SUN2: variants seen among roughly 807,000 people sequenced by gnomAD.
SUN2 encodes the protein Sad1 and UNC84 domain containing 2, also known as SUN domain-containing protein 2.
SUN2 carries 60 observed loss-of-function variants against 100.0 expected under a neutral mutation model. That is an observed-to-expected ratio of 0.60 (90% confidence interval 0.49 to 0.74). The LOEUF (loss-of-function observed/expected upper bound fraction) is 0.74. Among genes scored for constraint, SUN2 ranks in the 30% least tolerant of loss-of-function variants. The pLI is 0.00. For synonymous variants in SUN2, 367 were observed against 403.3 expected, an observed-to-expected ratio of 0.91 and a Z score of 1.08; for missense variants, 834 against 954.6, an observed-to-expected ratio of 0.87 and a Z score of 1.66.
chr22:38,739,398 A>G lies in SUN2; in HGVS notation c.1607T>C (p.Leu536Pro). 1 of 1,613,136 alleles carries G rather than the reference A, an allele frequency of 6.2e-7. No individual in the cohort carries two copies. Among genetic ancestry groups the G allele is most frequent in the Non-Finnish European group, 8.5e-7 (1 of 1,180,004 alleles). The change falls in exon 14 of 18, where the codon CTG (leucine) becomes CCG (proline). Residue 536 changes from leucine (L) to proline (P), a missense_variant. Physicochemically the swap from Leu to Pro is moderately conservative, Grantham distance 98. Transcript: ENST00000689035. This position sits in a 1 kb window ranked among gnomAD's most constrained non-coding sequence, Gnocchi z 6.7. ...GATGCGGTCCTCACTGTAGCGCTGC[A>G]GGGCCTGCTTCACGATGTGGTGCAC... ...EQVHHIVKQALQRYSEDRIGL... is the reference protein window; with the variant it reads ...EQVHHIVKQAPQRYSEDRIGL...
chr22:38,738,105 C>T lies in SUN2; in HGVS notation c.2040+68G>A, dbSNP rs113248252. ...AACCCCATGCCTGGCAGGGTAAGTG[C>T]CCAGGGAGCACCTGCTGCCTGGATG... On this transcript the variant is annotated intron_variant, in intron 17 of 17. Coordinates refer to ENST00000689035, the MANE Select transcript of SUN2 (RefSeq NM_015374.3). The surrounding 1 kb of genome is among the most constrained non-coding windows in gnomAD (Gnocchi z 6.6). 151 of 1,406,982 alleles carry T rather than the reference C, an allele frequency of 1.1e-4. No homozygotes were observed. In the African/African-American group the frequency reaches 1.9e-3, roughly 17 times the overall value. 87.2% of individuals were successfully genotyped at this position (1,406,982 alleles called of 1,614,324 possible). A position where few individuals can be genotyped will look rare whatever the true frequency, so the allele number is the denominator to read the frequency against.
Position 38,740,928 on chromosome 22 carries a change from G to T in SUN2, c.1190+79C>A. 1.4e-6 allele frequency: 2 copies of T among 1,432,252 alleles called. No individual in the cohort carries two copies. Among genetic ancestry groups the T allele is most frequent in the South Asian group, 1.2e-5 (1 of 81,884 alleles). The allele number at this position is 1,432,252 out of a possible 1,614,324, so 88.7% of individuals were successfully genotyped here. On this transcript the variant is annotated intron_variant, in intron 11 of 17. Coordinates refer to ENST00000689035, the MANE Select transcript of SUN2 (RefSeq NM_015374.3). The surrounding 1 kb of genome is among the most constrained non-coding windows in gnomAD (Gnocchi z 4.8). The stretch of plus-strand genomic sequence containing the variant: ...GATGATCAGAACTCTCTGCTCTGCG[G>T]CTCTGCTCCCCAGTCCTGCCTGGAG...
In SUN2 at chr22:38,738,733, A is replaced by G; in HGVS notation, c.1801T>C (p.Cys601Arg). The G allele has an allele frequency of 6.2e-7, 1 of 1,613,592 alleles. No individual in the cohort carries two copies. The highest frequency in any genetic ancestry group is 1.3e-5 in the African/African-American group (1 of 75,052). The part of the protein sequence containing the change: ...ILQPDVHPGN[C>R]WAFQGPQGFA... ...CCTTGTGGCCCCTGGAAGGCCCAGC[A>G]GTTGCCTGGGTGCACATCTGGCTGG... Residue 601 changes from cysteine (C) to arginine (R), a missense_variant, in exon 16 of 18, where the codon TGC becomes CGC. Cys to Arg is a radical substitution (Grantham distance 180). This residue lies in a region of SUN2 where 195 missense variants were observed against 280.2 expected (regional missense o/e 0.70). Coordinates refer to ENST00000689035, the MANE Select transcript of SUN2 (RefSeq NM_015374.3). The surrounding 1 kb of genome is among the most constrained non-coding windows in gnomAD (Gnocchi z 6.6).
Position 38,739,988 on chromosome 22 carries a change from C to A in SUN2, c.1357-45G>T. 1 of 1,586,080 alleles carries A rather than the reference C, an allele frequency of 6.3e-7. No individual in the cohort carries two copies. Among genetic ancestry groups the A allele is most frequent in the Non-Finnish European group, 8.6e-7 (1 of 1,167,052 alleles). On this transcript the variant is annotated intron_variant, in intron 12 of 17. Transcript: ENST00000689035. This position sits in a 1 kb window ranked among gnomAD's most constrained non-coding sequence, Gnocchi z 6.7. ...TGTCACCCTGGGGGGCTTGCAGGGACAGCAGGAGCTGCTATGACAGGGCTA... is the reference window on the plus strand; with the variant it reads ...TGTCACCCTGGGGGGCTTGCAGGGAAAGCAGGAGCTGCTATGACAGGGCTA...
At chr22:38,751,067 G>A (rs372544330) in intron 3 of SUN2, 32 bp from the exon 4 acceptor site, 6 of 1,609,072 alleles carry the variant, frequency 3.7e-6, no homozygotes, top group South Asian at 1.1e-5. Context: ...GCTCTTCTGG[G>A]CCTCCAAGAG....
At position 38,737,568 on chromosome 22, in the gene SUN2, C is replaced by G. The variant is rs2092817024; in HGVS notation, c.2040+605G>C. ...AGGTCCCTGAGGGCTTATTTCCTGC[C>G]TCTCTGTGGCCTCCTCTTCCTGCCA... On this transcript the variant is annotated intron_variant, in intron 17 of 17. Transcript: ENST00000689035. The surrounding 1 kb of genome is among the most constrained non-coding windows in gnomAD (Gnocchi z 4.1). 6.6e-6 allele frequency among the ~76,000 whole-genome samples: 1 copy of G among 152,160 alleles called. No homozygotes were observed. The highest frequency in any genetic ancestry group is 1.5e-5 in the Non-Finnish European group (1 of 68,018).
At position 38,755,673 on chromosome 22, in the gene SUN2, G is replaced by T. The variant is rs865782410; in HGVS notation, c.-38+90C>A. The T allele has an allele frequency of 1.3e-4, 128 of 979,034 alleles. No homozygotes were observed. The African/African-American group carries it at 2.0e-3, about 16-fold the overall frequency. 60.6% of individuals were successfully genotyped at this position (979,034 alleles called of 1,614,324 possible). A position where few individuals can be genotyped will look rare whatever the true frequency, so the allele number is the denominator to read the frequency against. ...CCGGAGAGGAGGAAGCAGGCCTGGC[G>T]GCGCGGCCCCGCCCGAGTGGCCCGA... is the stretch of plus-strand genomic sequence containing the variant. On this transcript the variant is annotated intron_variant, in intron 1 of 17. Transcript: ENST00000689035. This position sits in a 1 kb window ranked among gnomAD's most constrained non-coding sequence, Gnocchi z 5.7.
intron 8 of SUN2, among the ~76,000 whole-genome samples, chr22:38,744,296 T>C (rs150440126): frequency 0.03 from 4,430 of 147,816 alleles, 88 homozygotes; most frequent in Middle Eastern, 0.095. Context: ...AGTGATACTA[T>C]GCCAGGTGCA....
chr22:38,750,142 G>C (rs1464382321), intron 5 of SUN2, 83 bp downstream of exon 5: 1 of 1,545,552 alleles, frequency 6.5e-7, no homozygotes, highest in African/African-American at 1.4e-5. Flanking sequence ...TCTCTGCATG[G>C]GCAGGATGCC....
At position 38,736,023 on chromosome 22, in the gene SUN2, T is replaced by G; in HGVS notation, c.*244A>C. On this transcript the variant is annotated 3_prime_UTR_variant, in exon 18 of 18. Transcript: ENST00000689035. ...CATGATATGCTACATATATACACAC[T>G]CCCAGGATGGGAAGCAGACGCCACG... is the stretch of plus-strand genomic sequence containing the variant. 1 of 539,818 alleles carries G rather than the reference T, an allele frequency of 1.9e-6. No individual in the cohort carries two copies. Among genetic ancestry groups the G allele is most frequent in the East Asian group, 3.6e-5 (1 of 27,934 alleles). The allele number at this position is 539,818 out of a possible 1,614,324, so 33.4% of individuals were successfully genotyped here.
chr22:38,755,237 C>CT lies in SUN2; in HGVS notation c.-38+525dup. The CT allele has an allele frequency of 8.5e-7, 1 of 1,180,926 alleles. No homozygotes were observed. Among genetic ancestry groups the CT allele is most frequent in the Non-Finnish European group, 1.1e-6 (1 of 938,658 alleles). The allele number at this position is 1,180,926 out of a possible 1,614,324, so 73.2% of individuals were successfully genotyped here. On this transcript the variant is annotated intron_variant, in intron 1 of 17. Transcript: ENST00000689035. This position sits in a 1 kb window ranked among gnomAD's most constrained non-coding sequence, Gnocchi z 5.7. ...TGTGGGACCTGCCAAACGCCCGGTGCTAACTCCCTCTGCCCTCATTCCCAC... is the reference window on the plus strand; with the variant it reads ...TGTGGGACCTGCCAAACGCCCGGTGCTTAACTCCCTCTGCCCTCATTCCCAC...
In SUN2 at chr22:38,740,237, A is replaced by C; in HGVS notation, c.1356+30T>G. ...GTCGTCTCAAAGGAGGAGGAGAGGG[A>C]CCAGCAGGGCCCTGGTGGTTCCCAC... On this transcript the variant is annotated intron_variant, in intron 12 of 17. Coordinates refer to ENST00000689035, the MANE Select transcript of SUN2 (RefSeq NM_015374.3). The surrounding 1 kb of genome is among the most constrained non-coding windows in gnomAD (Gnocchi z 4.8). 6.6e-7 allele frequency: 1 copy of C among 1,519,176 alleles called. No homozygotes were observed. The highest frequency in any genetic ancestry group is 1.4e-5 in the African/African-American group (1 of 72,642). The allele number at this position is 1,519,176 out of a possible 1,614,324, so 94.1% of individuals were successfully genotyped here.
Position 38,735,131 on chromosome 22 carries a change from C to A in SUN2, c.*1136G>T, listed in dbSNP as rs1165337578. The A allele has an allele frequency of 9.7e-6, 4 of 412,872 alleles. No homozygotes were observed. Among genetic ancestry groups the A allele is most frequent in the South Asian group, 6.9e-5 (4 of 57,774 alleles). The allele number at this position is 412,872 out of a possible 1,614,324, so 25.6% of individuals were successfully genotyped here. A position where few individuals can be genotyped will look rare whatever the true frequency, so the allele number is the denominator to read the frequency against. On this transcript the variant is annotated 3_prime_UTR_variant, in exon 18 of 18. Coordinates refer to ENST00000689035, the MANE Select transcript of SUN2 (RefSeq NM_015374.3). ...AAAATATATACATAATACAGTGGGG[C>A]CTGCTGGCTCTAAAAGTCCCCTCCT...
In SUN2 at chr22:38,739,470, G is replaced by A. The variant is rs776125269; in HGVS notation, c.1579-44C>T. The A allele has an allele frequency of 9.4e-6, 15 of 1,600,368 alleles. No homozygotes were observed. The highest frequency in any genetic ancestry group is 5.5e-5 in the South Asian group (5 of 90,692). ...GAGACGGTTGCAGCAGGGAGCAGAC[G>A]TGTCCCCCTGTCACCTCGTGGCCGT... is the stretch of plus-strand genomic sequence containing the variant. On this transcript the variant is annotated intron_variant, in intron 13 of 17. Transcript: ENST00000689035. This position sits in a 1 kb window ranked among gnomAD's most constrained non-coding sequence, Gnocchi z 6.7.
chr22:38,747,160 C>T (rs1031386795), intron 7 of SUN2, among the ~76,000 whole-genome samples: 4 of 151,150 alleles, frequency 2.6e-5, no homozygotes, highest in Non-Finnish European at 4.4e-5. Flanking sequence ...GGCGAAACCC[C>T]GTCTCTACTA....
intron 6 of SUN2, chr22:38,749,016 T>C: frequency 2.1e-6 from 1 of 479,924 alleles, no homozygotes; most frequent in Non-Finnish European, 3.7e-6. Flanking sequence ...ACTGATGTTA[T>C]TAAAAATAGT....
In SUN2 at chr22:38,740,562, G is replaced by T; in HGVS notation, c.1191-130C>A. On this transcript the variant is annotated intron_variant, in intron 11 of 17. Transcript: ENST00000689035. The surrounding 1 kb of genome is among the most constrained non-coding windows in gnomAD (Gnocchi z 4.8). ...GGTGCCCAGCACTCATTGTGAACCT[G>T]AGAAGGGGCAAGGCCTCTCCTGGGG... The T allele has an allele frequency of 1.9e-6, 2 of 1,040,130 alleles. No individual in the cohort carries two copies. The highest frequency in any genetic ancestry group is 1.3e-6 in the Non-Finnish European group (1 of 750,612). 64.4% of individuals were successfully genotyped at this position (1,040,130 alleles called of 1,614,324 possible).
At position 38,739,987 on chromosome 22, in the gene SUN2, A is replaced by G. The variant is rs765296663; in HGVS notation, c.1357-44T>C. On this transcript the variant is annotated intron_variant, in intron 12 of 17. Coordinates refer to ENST00000689035, the MANE Select transcript of SUN2 (RefSeq NM_015374.3). The surrounding 1 kb of genome is among the most constrained non-coding windows in gnomAD (Gnocchi z 6.7). ...GTGTCACCCTGGGGGGCTTGCAGGG[A>G]CAGCAGGAGCTGCTATGACAGGGCT... 14 of 1,583,262 alleles carry G rather than the reference A, an allele frequency of 8.8e-6. No individual in the cohort carries two copies. In the East Asian group the frequency reaches 3.1e-4, roughly 35 times the overall value.
Position 38,735,624 on chromosome 22 carries a change from A to C in SUN2, c.*643T>G, listed in dbSNP as rs1249094241. 1 of 182,904 alleles carries C rather than the reference A, an allele frequency of 5.5e-6. No individual in the cohort carries two copies. The highest frequency in any genetic ancestry group is 1.7e-4 in the East Asian group (1 of 5,910). The allele number at this position is 182,904 out of a possible 1,614,324, so 11.3% of individuals were successfully genotyped here. ...GGCCCCTTAGAAGATCACAGCAGCC[A>C]GTCCCCTTTAGGGCACAAGAAGCCC... On this transcript the variant is annotated 3_prime_UTR_variant, in exon 18 of 18. Coordinates refer to ENST00000689035, the MANE Select transcript of SUN2 (RefSeq NM_015374.3).
Sources: allele counts gnomAD v4.1 joint callset (sites outside exome capture counted in the v4.1 genomes callset), GRCh38; gene constraint gnomAD v4.1.1; regional missense constraint gnomAD v4.1.1; non-coding constraint Gnocchi (gnomAD v3.1); transcripts MANE v1.5; gene names NCBI Gene and HGNC (gene_info 2026-07-23, HGNC 2026-07-21).